PAX6: variants seen among roughly 807,000 people sequenced by gnomAD.
PAX6 encodes paired box 6.
A neutral mutation model predicts 60.7 loss-of-function variants in PAX6; 7 were observed. The ratio of observed to expected loss-of-function variants is 0.12; its 90% CI spans 0.07 to 0.22. PAX6 has a LOEUF of 0.22. PAX6 is among the 10% of genes least tolerant of loss of function. The pLI is 1.00. For synonymous variants in PAX6, 208 were observed against 201.2 expected (o/e 1.03, Z -0.29); for missense variants, 355 against 555.2 (o/e 0.64, Z 3.62).
intron 2 of PAX6, 129 bp downstream of exon 2, chr11:31,810,699 G>C: frequency 2.5e-6 from 1 of 397,584 alleles, no homozygotes. Flanking sequence ...AAACTTCTCC[G>C]GCCCAACTCT....
intron 8 of PAX6, among the ~76,000 whole-genome samples, chr11:31,796,510 G>A (rs1951580755): frequency 6.7e-6 from 1 of 150,316 alleles, no homozygotes; most frequent in Non-Finnish European, 1.5e-5. Context: ...GCCCAGCATG[G>A]GGGGAGGCAG....
chr11:31,800,514 G>T, intron 8 of PAX6, 177 bp downstream of exon 8: 1 of 823,942 alleles, frequency 1.2e-6, no homozygotes. Context: ...CCAACAAAAT[G>T]GTTCAACAAA....
At chr11:31,815,797 A>G (rs1665543796), upstream of PAX6, among the ~76,000 whole-genome samples, 1 of 151,480 alleles carries the variant, frequency 6.6e-6, no homozygotes, top group Admixed American at 6.6e-5. Context: ...AGTATTTTCA[A>G]TTTGAAAACA....
At chr11:31,800,656 A>G in intron 8 of PAX6, 35 bp downstream of exon 8, 1 of 1,612,674 alleles carries the variant, frequency 6.2e-7, no homozygotes, top group Non-Finnish European at 8.5e-7. Context: ...GGATGCACAT[A>G]TGGAGAGCTG....
At chr11:31,790,978 G>A (rs777426400) in intron 12 of PAX6, 118 bp from the exon 13 acceptor site, 54 of 1,033,182 alleles carry the variant, frequency 5.2e-5, no homozygotes, top group Non-Finnish European at 7.2e-5. Flanking sequence ...ATGCCTTCAC[G>A]TGAAGTACTG....
chr11:31,794,665 G>T lies in PAX6; in HGVS notation c.689C>A (p.Ser230Tyr). ...LKRKLQRNRT[S>Y]FTQEQIEALE... Reference sequence around the variant, plus strand: ...GGCCTCAATTTGCTCTTGGGTAAAGGATGTTCTATTTCTTTGCAGCTTCCG... The same window carrying T: ...GGCCTCAATTTGCTCTTGGGTAAAGTATGTTCTATTTCTTTGCAGCTTCCG... Residue 230 changes from serine (S) to tyrosine (Y), a missense_variant, in exon 9 of 14, where the codon TCC becomes TAC. Ser to Tyr is a moderately radical substitution (Grantham distance 144). Transcript: ENST00000640368. 1 of 1,614,178 alleles carries T rather than the reference G, an allele frequency of 6.2e-7. No individual in the cohort carries two copies. The highest frequency in any genetic ancestry group is 8.5e-7 in the Non-Finnish European group (1 of 1,180,040).
At chr11:31,790,181 A>G in intron 13 of PAX6, 162 bp from the exon 14 acceptor site, 2 of 636,670 alleles carry the variant, frequency 3.1e-6, no homozygotes, top group Non-Finnish European at 5.4e-6. Flanking sequence ...AAATAAAAGT[A>G]GCACCTTCAG....
intron 9 of PAX6, 54 bp downstream of exon 9, chr11:31,794,576 A>C: frequency 6.3e-7 from 1 of 1,575,164 alleles, no homozygotes; most frequent in South Asian, 1.1e-5. Context: ...TTTGTACTGA[A>C]GATGTGGCAT....
At chr11:31,798,895 G>C (rs1952586946) in intron 8 of PAX6, among the ~76,000 whole-genome samples, 1 of 152,204 alleles carries the variant, frequency 6.6e-6, no homozygotes, top group South Asian at 2.1e-4. Context: ...CCAAGAAGCG[G>C]AAGGGGGGTG....
chr11:31,794,059 T>G lies in PAX6; in HGVS notation c.780A>C (p.Lys260Asn). 1 of 1,611,434 alleles carries G rather than the reference T, an allele frequency of 6.2e-7. No homozygotes were observed. Among genetic ancestry groups the G allele is most frequent in the Non-Finnish European group, 8.5e-7 (1 of 1,177,488 alleles). Residue 260 changes from lysine to asparagine, a missense_variant, in exon 10 of 14, where the codon AAA becomes AAC. Physicochemically the swap from Lys to Asn is moderately conservative, Grantham distance 94. Transcript: ENST00000640368. Reference protein sequence around the residue: ...DVFARERLAAKIDLPEARIQV... With the variant: ...DVFARERLAANIDLPEARIQV... Reference sequence around the variant, plus strand: ...GTATTCTTGCTTCAGGTAGATCTATTTTGGCTGCTAGTCTTTCTCGGGCAA... The same window carrying G: ...GTATTCTTGCTTCAGGTAGATCTATGTTGGCTGCTAGTCTTTCTCGGGCAA...
At chr11:31,796,343 G>A (rs1287089311) in intron 8 of PAX6, among the ~76,000 whole-genome samples, 1 of 152,168 alleles carries the variant, frequency 6.6e-6, no homozygotes, top group African/African-American at 2.4e-5. Flanking sequence ...CGTGCAGCGG[G>A]CCACATTGTG....
rs1949087773 is a variant in PAX6 at position 31,789,536 on chromosome 11, CTT to C, written c.*396_*397del. 3 of 598,572 alleles carry C rather than the reference CTT, an allele frequency of 5.0e-6. No individual in the cohort carries two copies. The highest frequency in any genetic ancestry group is 5.9e-6 in the Non-Finnish European group (2 of 341,292). 37.1% of individuals were successfully genotyped at this position (598,572 alleles called of 1,614,324 possible). A position where few individuals can be genotyped will look rare whatever the true frequency, so the allele number is the denominator to read the frequency against. On this transcript the variant is annotated 3_prime_UTR_variant, in exon 14 of 14. Coordinates refer to ENST00000640368, the MANE Select transcript of PAX6 (RefSeq NM_001368894.2). ...GTATTCGATATATCTTGATAAAACT[CTT>C]AAATTCGTGGCAAAGCTTGTTGATC...
rs569614598 is a variant in PAX6, at chr11:31,809,506, G to C, written c.-129+1322C>G. On this transcript the variant is annotated intron_variant, in intron 2 of 13. Coordinates refer to ENST00000640368, the MANE Select transcript of PAX6 (RefSeq NM_001368894.2). ...CTCATGAATGAAGAGCCAGGTTTTA[G>C]CACTCGAAAAAGAAAGCATTTCCAC... 5.9e-5 allele frequency: 9 copies of C among 152,336 alleles called. No homozygotes were observed. The South Asian group carries it at 1.9e-3, about 32-fold the overall frequency. 9.4% of individuals were successfully genotyped at this position (152,336 alleles called of 1,614,324 possible).
chr11:31,802,387 G>C (rs2135129862), intron 5 of PAX6: 1 of 387,606 alleles, frequency 2.6e-6, no homozygotes, highest in Non-Finnish European at 4.7e-6. Context: ...GCTTATTACG[G>C]TTCATAAACT....
At chr11:31,792,824 G>A (rs371101396) in intron 12 of PAX6, 11 of 197,730 alleles carry the variant, frequency 5.6e-5, no homozygotes, top group East Asian at 2.6e-4. Flanking sequence ...CCACAAACTC[G>A]TCACACCATT....
intron 8 of PAX6, among the ~76,000 whole-genome samples, chr11:31,798,921 G>T (rs1049023989): frequency 1.3e-5 from 2 of 152,220 alleles, no homozygotes; most frequent in African/African-American, 4.8e-5. Flanking sequence ...TGCGCCCCAA[G>T]CTCATGGGAG....
chr11:31,789,115 C>T lies in PAX6; in HGVS notation c.*819G>A, dbSNP rs1003505482. ...ACCGTGAACAGTAATACAACTATAT[C>T]TAAGAACAATTAACTTTTGCTGGCC... On this transcript the variant is annotated 3_prime_UTR_variant, in exon 14 of 14. Transcript: ENST00000640368. The T allele has an allele frequency of 1.5e-5, 3 of 202,858 alleles. No individual in the cohort carries two copies. The highest frequency in any genetic ancestry group is 6.9e-5 in the African/African-American group (3 of 43,688). The allele number at this position is 202,858 out of a possible 1,614,324, so 12.6% of individuals were successfully genotyped here. A position where few individuals can be genotyped will look rare whatever the true frequency, so the allele number is the denominator to read the frequency against.
upstream of PAX6, chr11:31,811,551 G>A (rs922615513): frequency 8.4e-5 from 20 of 238,744 alleles, no homozygotes; most frequent in African/African-American, 4.2e-4. Context: ...CTCCGCGCAC[G>A]CCGAGATTCG....
chr11:31,798,000 G>GAGAGAGAT (rs2134862063), intron 8 of PAX6, among the ~76,000 whole-genome samples: 1 of 151,938 alleles, frequency 6.6e-6, no homozygotes, highest in South Asian at 2.1e-4. Flanking sequence ...GAGAGAGAGA[G>GAGAGAGAT]AGAGAGACAG....
Sources: gnomAD v4.1 joint callset for allele counts (sites outside exome capture counted in the v4.1 genomes callset) on GRCh38, gnomAD v4.1.1 for gene constraint, MANE v1.5 for transcripts, NCBI Gene and HGNC (gene_info 2026-07-23, HGNC 2026-07-21) for gene names.